Variants in ANK3 observed in about 807,000 individuals in gnomAD.
ANK3 encodes the protein ankyrin 3.
ANK3 carries 57 observed loss-of-function variants against 370.9 expected under a neutral mutation model. The ratio of observed to expected loss-of-function variants is 0.15; its 90% confidence interval spans 0.12 to 0.19. The LOEUF is 0.19. Among genes scored for constraint, ANK3 ranks in the 10% least tolerant of loss-of-function variants. The pLI is 1.00. For missense variants in ANK3, 4,439 were observed against 5,302.1 expected, an observed-to-expected ratio of 0.84 and a Z score of 5.06; for synonymous variants, 1,929 against 1,946.3, an observed-to-expected ratio of 0.99 and a Z score of 0.23.
At chr10:60,085,854 G>T (rs1376186027) in intron 30 of ANK3, among the ~76,000 whole-genome samples, 2 of 152,104 alleles carry the variant, frequency 1.3e-5, no homozygotes, top group Non-Finnish European at 2.9e-5. Flanking sequence ...GACCTCAGGT[G>T]ATCCACCGCC....
chr10:60,646,153 A>C (rs1471410523), intron 1 of ANK3, among the ~76,000 whole-genome samples: 2 of 151,842 alleles, frequency 1.3e-5, no homozygotes, highest in Non-Finnish European at 2.9e-5. Flanking sequence ...TCTTTTGTGG[A>C]AATGAAAAAA....
At chr10:60,572,443 A>G (rs1271235407) in intron 2 of ANK3, 2 of 1,534,844 alleles carry the variant, frequency 1.3e-6, no homozygotes, top group African/African-American at 2.7e-5. Flanking sequence ...TGAAGAGAAC[A>G]TGTTGCTTAT....
intron 2 of ANK3, among the ~76,000 whole-genome samples, chr10:60,408,050 C>T (rs1383950651): frequency 6.6e-6 from 1 of 152,212 alleles, no homozygotes; most frequent in Non-Finnish European, 1.5e-5. Context: ...TTCCAACCCA[C>T]CTTCTATGTG....
At chr10:60,238,989 T>C (rs2097376733) in intron 7 of ANK3, among the ~76,000 whole-genome samples, 2 of 152,040 alleles carry the variant, frequency 1.3e-5, no homozygotes, top group African/African-American at 4.8e-5. Context: ...ATAAGAAAAA[T>C]TGCAATATCA....
intron 40 of ANK3, chr10:60,059,820 G>C (rs2079985295): frequency 6.2e-7 from 1 of 1,614,074 alleles, no homozygotes; most frequent in Non-Finnish European, 8.5e-7. Flanking sequence ...TACGACTGGA[G>C]GTCCATCTGC....
chr10:60,505,013 A>C (rs1270413185), intron 2 of ANK3, among the ~76,000 whole-genome samples: 2 of 152,126 alleles, frequency 1.3e-5, no homozygotes, highest in Non-Finnish European at 2.9e-5. Flanking sequence ...TATCTAAAAA[A>C]AACTCCCTTT....
At chr10:60,056,135 T>TGAAGGCATAAAATAGAAAAGTGTG in intron 41 of ANK3, 99 bp from the exon 42 acceptor site, 1 of 1,347,732 alleles carries the variant, frequency 7.4e-7, no homozygotes, top group Non-Finnish European at 1.0e-6. Context: ...TGCCTACTTC[T>TGAAGGCATAAAATAGAAAAGTGTG]GAAGGCATAA....
At chr10:60,592,544 G>C (rs1218734742) in intron 2 of ANK3, among the ~76,000 whole-genome samples, 1 of 152,164 alleles carries the variant, frequency 6.6e-6, no homozygotes, top group Non-Finnish European at 1.5e-5. Context: ...TGGATCACCT[G>C]AGGTCAGGAG....
chr10:60,458,354 T>C (rs998679953), intron 2 of ANK3, among the ~76,000 whole-genome samples: 1 of 152,152 alleles, frequency 6.6e-6, no homozygotes, highest in Non-Finnish European at 1.5e-5. Flanking sequence ...GGAAGGTACA[T>C]TCCAACATCT....
At chr10:60,418,197 G>A (rs997113043) in intron 2 of ANK3, among the ~76,000 whole-genome samples, 2 of 152,100 alleles carry the variant, frequency 1.3e-5, no homozygotes, top group Non-Finnish European at 2.9e-5. Context: ...CAGCCAGAAT[G>A]GTCCATCTGA....
At chr10:60,303,121 G>A (rs2044197332) in intron 1 of ANK3, among the ~76,000 whole-genome samples, 1 of 152,064 alleles carries the variant, frequency 6.6e-6, no homozygotes, top group South Asian at 2.1e-4. Context: ...AAAACACAAG[G>A]CAAAAGTTCT....
chr10:60,056,101 TAA>T, intron 41 of ANK3, 65 bp from the exon 42 acceptor site: 2 of 1,507,508 alleles, frequency 1.3e-6, no homozygotes, highest in Non-Finnish European at 8.8e-7. Context: ...GCAGAAACTC[TAA>T]AGTTTTAAGA....
intron 1 of ANK3, among the ~76,000 whole-genome samples, chr10:60,320,984 T>C (rs1034206526): frequency 6.6e-6 from 1 of 152,156 alleles, no homozygotes; most frequent in African/African-American, 2.4e-5. Flanking sequence ...AGAGAAACTT[T>C]CTAAGCTTCC....
At chr10:60,349,218 C>G (rs1017007597) in intron 1 of ANK3, among the ~76,000 whole-genome samples, 1 of 152,180 alleles carries the variant, frequency 6.6e-6, no homozygotes, top group Non-Finnish European at 1.5e-5. Flanking sequence ...CTTAACCTTT[C>G]ATTCAACTTG....
chr10:60,558,603 A>G (rs2077263059), intron 2 of ANK3, among the ~76,000 whole-genome samples: 1 of 152,220 alleles, frequency 6.6e-6, no homozygotes. Context: ...TAGAACACAA[A>G]TATGTGTAAA....
chr10:60,715,632 A>C (rs1374653177), intron 1 of ANK3, among the ~76,000 whole-genome samples: 1 of 152,192 alleles, frequency 6.6e-6, no homozygotes, highest in African/African-American at 2.4e-5. Flanking sequence ...ATTTCTTTCT[A>C]AAACCAGTAT....
rs1013061852 is a variant in ANK3, at chr10:60,076,191, T to C, written c.4690A>G (p.Ile1564Val). The C allele has an allele frequency of 2.5e-6, 4 of 1,614,180 alleles. No individual in the cohort carries two copies. Among genetic ancestry groups the C allele is most frequent in the Non-Finnish European group, 3.4e-6 (4 of 1,179,982 alleles). ...GASTTSSVKS[I>V]SDVASPIRSF... ...CTAATTGGAGATGCCACGTCACTAA[T>C]GGATTTAACTGAAGATGTAGTTGAC... The change falls in exon 37 of 44, where the codon ATT becomes GTT. Residue 1564 changes from isoleucine (I) to valine (V), a missense_variant. Physicochemically the swap from Ile to Val is conservative, Grantham distance 29 (BLOSUM62 3). Around this residue, in one of 13 missense-constraint regions of ANK3, gnomAD observed 679 missense variants for 791.0 expected, o/e 0.86. Transcript: ENST00000280772.
chr10:60,284,126 C>T lies in ANK3; in HGVS notation c.115-4487G>A, dbSNP rs117205915. On this transcript the variant is annotated intron_variant, in intron 1 of 43. Transcript: ENST00000280772. ...CTTATAAGAAGAGAAGTCACATGGA[C>T]ACATAAGAGAGATGATGGCCAAGTG... Among the ~76,000 whole-genome samples, 142 of 152,106 alleles carry T rather than the reference C, an allele frequency of 9.3e-4. No homozygotes were observed. The East Asian group carries it at 0.017, about 18-fold the overall frequency.
intron 2 of ANK3, among the ~76,000 whole-genome samples, chr10:60,517,947 G>A (rs1037988372): frequency 6.6e-6 from 1 of 152,082 alleles, no homozygotes; most frequent in Non-Finnish European, 1.5e-5. Flanking sequence ...GCTTAACCTC[G>A]CTCTGCTCCT....
Sources: allele counts gnomAD v4.1 joint callset (sites outside exome capture counted in the v4.1 genomes callset), GRCh38; gene constraint gnomAD v4.1.1; regional missense constraint gnomAD v4.1.1; transcripts MANE v1.5; gene names NCBI Gene and HGNC (gene_info 2026-07-23, HGNC 2026-07-21).